GABPB2: variants seen among roughly 807,000 people sequenced by gnomAD.
GABPB2 encodes the protein GA binding protein transcription factor subunit beta 2, also known as GA-binding protein subunit beta-2.
In GABPB2, 23 loss-of-function variants were observed where a neutral mutation model predicts 39.1. That is an observed-to-expected ratio of 0.59 (90% CI 0.42 to 0.83). GABPB2 has a LOEUF of 0.83. GABPB2 is among the 40% of genes least tolerant of loss of function. GABPB2 has a pLI of 0.00. For synonymous variants in GABPB2, 184 were observed against 199.3 expected (o/e 0.92, Z 0.65); for missense variants, 467 against 541.1 (o/e 0.86, Z 1.36).
chr1:151,071,453 C>CTTTTTTT (rs71090124), intron 1 of GABPB2, among the ~76,000 whole-genome samples: 20,958 of 100,330 alleles, frequency 0.21, 3,506 homozygotes, highest in Middle Eastern at 0.26. Context: ...CTTTTTTGCT[C>CTTTTTTT]TTTTTTTTTT....
intron 1 of GABPB2, among the ~76,000 whole-genome samples, chr1:151,073,660 C>G (rs1258369580): frequency 2.0e-5 from 3 of 152,032 alleles, no homozygotes; most frequent in African/African-American, 7.2e-5. Flanking sequence ...GGTGGCTCAT[C>G]CCCGTAATCC....
At chr1:151,087,376 G>A (rs892439497) in intron 1 of GABPB2, among the ~76,000 whole-genome samples, 3 of 151,980 alleles carry the variant, frequency 2.0e-5, no homozygotes, top group African/African-American at 4.8e-5. Context: ...GCCGGGCGCA[G>A]TGGCTCACGC....
At chr1:151,099,220 C>T (rs896284077) in intron 5 of GABPB2, among the ~76,000 whole-genome samples, 3 of 151,352 alleles carry the variant, frequency 2.0e-5, no homozygotes, top group Middle Eastern at 3.4e-3. Flanking sequence ...TTCTCCAAGG[C>T]GGAGTCTCGC....
chr1:151,091,430 C>G (rs1678689858), intron 3 of GABPB2, among the ~76,000 whole-genome samples: 1 of 110,876 alleles, frequency 9.0e-6, no homozygotes, highest in Non-Finnish European at 1.7e-5. Context: ...TTGAGATGAA[C>G]TCTCAGCTGG....
At chr1:151,078,035 C>T (rs1677331649) in intron 1 of GABPB2, among the ~76,000 whole-genome samples, 1 of 151,490 alleles carries the variant, frequency 6.6e-6, no homozygotes, top group Admixed American at 6.6e-5. Flanking sequence ...CTTTGGGAGG[C>T]TGAGGCAGGT....
At chr1:151,108,284 C>T (rs1412339005) in intron 7 of GABPB2, among the ~76,000 whole-genome samples, 1 of 152,142 alleles carries the variant, frequency 6.6e-6, no homozygotes, top group East Asian at 1.9e-4. Flanking sequence ...ATTCTTGTGC[C>T]TCAGCCTCCT....
intron 1 of GABPB2, among the ~76,000 whole-genome samples, chr1:151,084,097 C>A (rs1029201513): frequency 6.6e-6 from 1 of 150,752 alleles, no homozygotes; most frequent in Non-Finnish European, 1.5e-5. Context: ...GGAAATGGGG[C>A]CTTACTGTGT....
chr1:151,111,188 C>A (rs954221877), intron 7 of GABPB2, among the ~76,000 whole-genome samples: 3 of 151,840 alleles, frequency 2.0e-5, no homozygotes, highest in African/African-American at 7.3e-5. Context: ...TGACTTACGG[C>A]AGTCTTGATA....
chr1:151,098,927 T>C (rs1328933136), intron 5 of GABPB2, among the ~76,000 whole-genome samples: 1 of 151,920 alleles, frequency 6.6e-6, no homozygotes, highest in African/African-American at 2.4e-5. Context: ...CTACTAAATA[T>C]ACAAAAATTA....
intron 1 of GABPB2, among the ~76,000 whole-genome samples, chr1:151,073,535 G>T (rs934470151): frequency 6.6e-6 from 1 of 152,280 alleles, no homozygotes; most frequent in African/African-American, 2.4e-5. Context: ...GATACTGGGA[G>T]AATGGCATAT....
intron 1 of GABPB2, among the ~76,000 whole-genome samples, chr1:151,084,739 T>C (rs1395501510): frequency 1.3e-5 from 2 of 148,404 alleles, no homozygotes; most frequent in South Asian, 2.1e-4. Context: ...TTTCACCAGG[T>C]TAGCCAGGAT....
intron 2 of GABPB2, among the ~76,000 whole-genome samples, chr1:151,089,277 A>G (rs965350291): frequency 3.3e-5 from 5 of 152,236 alleles, no homozygotes; most frequent in Admixed American, 6.5e-5. Flanking sequence ...CCATGAAATT[A>G]GCATTTCTAT....
rs947650192 is a variant in GABPB2, at chr1:151,099,301, G to A, written c.622+1299G>A. Among the ~76,000 whole-genome samples the A allele has an allele frequency of 1.9e-4, 29 of 151,848 alleles. 1 individual carries two copies. Among genetic ancestry groups the A allele is most frequent in the East Asian group, 1.8e-3 (9 of 5,118 alleles). Reference sequence around the variant, plus strand: ...CAACCTTTGCCTCCCGGGTTCAAGCGATTCTCCTGCCTCAGCCTCCTGAGT... The same window carrying A: ...CAACCTTTGCCTCCCGGGTTCAAGCAATTCTCCTGCCTCAGCCTCCTGAGT... On this transcript the variant is annotated intron_variant, in intron 5 of 8. Transcript: ENST00000368918.
rs1307138635 is a variant in GABPB2, at chr1:151,122,915, C to G, written c.*4659C>G. 1 of 151,816 alleles carries G rather than the reference C, an allele frequency of 6.6e-6. No individual in the cohort carries two copies. The highest frequency in any genetic ancestry group is 2.4e-5 in the African/African-American group (1 of 41,338). 9.4% of individuals were successfully genotyped at this position (151,816 alleles called of 1,614,324 possible). A position where few individuals can be genotyped will look rare whatever the true frequency, so the allele number is the denominator to read the frequency against. ...TGATTTTTATTTACTCGGAACGGTC[C>G]TCTTGGCATCCCAGATAAGGGAAAT... On this transcript the variant is annotated 3_prime_UTR_variant, in exon 9 of 9. Transcript: ENST00000368918.
chr1:151,103,567 C>G lies in GABPB2; in HGVS notation c.628C>G (p.Pro210Ala). 6.2e-7 allele frequency: 1 copy of G among 1,610,918 alleles called. No individual in the cohort carries two copies. Among genetic ancestry groups the G allele is most frequent in the Non-Finnish European group, 8.5e-7 (1 of 1,177,442 alleles). ...TGTCTTTCTTACTGAAATAGGTGAC[C>G]CCCATGCCTCAACAGTACAGTTTTC... is the stretch of plus-strand genomic sequence containing the variant. ...STNTKTTSGDPHASTVQFSNS... is the reference protein window; with the variant it reads ...STNTKTTSGDAHASTVQFSNS... The change falls in exon 6 of 9, where the codon CCC becomes GCC. Residue 210 changes from proline to alanine, a missense_variant. Coordinates refer to ENST00000368918, the MANE Select transcript of GABPB2 (RefSeq NM_144618.3).
At chr1:151,080,242 A>C (rs1416275880) in intron 1 of GABPB2, among the ~76,000 whole-genome samples, 2 of 148,662 alleles carry the variant, frequency 1.3e-5, no homozygotes, top group East Asian at 2.0e-4. Context: ...AAAAAAAAAA[A>C]AACAATAATT....
At chr1:151,114,344 T>TAATAAATA (rs371504117) in intron 7 of GABPB2, among the ~76,000 whole-genome samples, 2 of 150,176 alleles carry the variant, frequency 1.3e-5, no homozygotes, top group East Asian at 1.9e-4. Flanking sequence ...CTCTGTCTCA[T>TAATAAATA]AATAAATAAA....
At chr1:151,105,030 C>A (rs1476958835) in intron 6 of GABPB2, among the ~76,000 whole-genome samples, 1 of 151,862 alleles carries the variant, frequency 6.6e-6, no homozygotes, top group Non-Finnish European at 1.5e-5. Flanking sequence ...CCTCAGCCTC[C>A]CAAGTAGCTG....
chr1:151,084,626 C>G (rs1384165750), intron 1 of GABPB2, among the ~76,000 whole-genome samples: 2 of 149,760 alleles, frequency 1.3e-5, no homozygotes, highest in Admixed American at 6.7e-5. Context: ...GCTCCGCCTC[C>G]CAGGTTCATG....
Sources: gnomAD v4.1 joint callset for allele counts (sites outside exome capture counted in the v4.1 genomes callset) on GRCh38, gnomAD v4.1.1 for gene constraint, MANE v1.5 for transcripts, NCBI Gene and HGNC (gene_info 2026-07-23, HGNC 2026-07-21) for gene names.